The following RGS3 variants were observed in gnomAD, a reference collection of about 807,000 sequenced individuals.
RGS3 encodes the protein regulator of G protein signaling 3.
In RGS3, 80 loss-of-function variants were observed where a neutral mutation model predicts 132.6. The observed-to-expected ratio is 0.60, with a 90% CI of 0.50 to 0.73. The LOEUF is 0.73. Ranked by LOEUF, RGS3 falls within the 30% of genes least tolerant of loss-of-function variation. RGS3 has a pLI of 0.00. For synonymous variants in RGS3, 598 were observed against 620.6 expected, an observed-to-expected ratio of 0.96 and a Z score of 0.54; for missense variants, 1,382 against 1,530.8, an observed-to-expected ratio of 0.90 and a Z score of 1.62.
intron 19 of RGS3, among the ~76,000 whole-genome samples, chr9:113,559,291 G>C (rs541538697): frequency 1.3e-5 from 2 of 152,234 alleles, no homozygotes; most frequent in Non-Finnish European, 2.9e-5. Context: ...CCAAAAGCCC[G>C]AAGTCTCCGG....
At chr9:113,492,486 T>G (rs996018367) in intron 7 of RGS3, among the ~76,000 whole-genome samples, 1 of 152,238 alleles carries the variant, frequency 6.6e-6, no homozygotes, top group Non-Finnish European at 1.5e-5. Flanking sequence ...GATGTTTGTG[T>G]TGTTTCCTTA....
intron 7 of RGS3, among the ~76,000 whole-genome samples, chr9:113,487,570 G>A (rs573924767): frequency 8.5e-5 from 13 of 152,276 alleles, no homozygotes; most frequent in Non-Finnish European, 1.6e-4. Flanking sequence ...GGACCCCAGG[G>A]TCTTTCCTCT....
intron 3 of RGS3, among the ~76,000 whole-genome samples, chr9:113,465,348 A>G (rs1434006214): frequency 6.6e-6 from 1 of 152,132 alleles, no homozygotes; most frequent in East Asian, 1.9e-4. Flanking sequence ...TGAAAAGAAG[A>G]AAGTGAAAAT....
exon 24 of RGS3, chr9:113,595,678 C>G: frequency 6.2e-7 from 1 of 1,614,192 alleles, no homozygotes; most frequent in Non-Finnish European, 8.5e-7. Flanking sequence ...CTTGTGAGGA[C>G]TTCAAGAAGG....
intron 19 of RGS3, among the ~76,000 whole-genome samples, chr9:113,547,372 A>G (rs1833158646): frequency 6.6e-6 from 1 of 152,186 alleles, no homozygotes. Flanking sequence ...ACAGACACCC[A>G]AATTATGAGC....
upstream of RGS3, among the ~76,000 whole-genome samples, chr9:113,458,197 G>A (rs150321255): frequency 4.0e-3 from 603 of 152,332 alleles, 3 homozygotes; most frequent in African/African-American, 0.013. Context: ...GATTACAGGC[G>A]TGAGCCACTG....
intron 19 of RGS3, chr9:113,541,984 T>A: frequency 2.1e-6 from 1 of 475,758 alleles, no homozygotes; most frequent in Non-Finnish European, 2.7e-6. Context: ...TCAGTCTAGC[T>A]GGGAGTGAGC....
chr9:113,452,316 T>C (rs1829262664), intron 1 of RGS3, among the ~76,000 whole-genome samples: 2 of 152,220 alleles, frequency 1.3e-5, no homozygotes, highest in South Asian at 4.1e-4. Flanking sequence ...TTTTTTTCTT[T>C]CAATACATTA....
chr9:113,513,371 C>A (rs1224642498), intron 14 of RGS3, among the ~76,000 whole-genome samples: 1 of 152,056 alleles, frequency 6.6e-6, no homozygotes, highest in Non-Finnish European at 1.5e-5. Flanking sequence ...TCTCTCTCTC[C>A]TTATGATTAG....
At chr9:113,536,991 G>A (rs1028585562) in intron 19 of RGS3, 73 bp downstream of exon 17, 37 of 1,468,110 alleles carry the variant, frequency 2.5e-5, no homozygotes, top group Non-Finnish European at 3.4e-5. Context: ...TTGAGCCTCT[G>A]CATTGAGCTG....
At chr9:113,449,258 A>G (rs1829186737) in intron 1 of RGS3, among the ~76,000 whole-genome samples, 1 of 152,180 alleles carries the variant, frequency 6.6e-6, no homozygotes, top group African/African-American at 2.4e-5. Context: ...GAATGGAGAC[A>G]AAAGGATACT....
chr9:113,522,740 G>A (rs1832014890), intron 16 of RGS3, 190 bp from the exon 15 acceptor site: 1 of 598,196 alleles, frequency 1.7e-6, no homozygotes, highest in East Asian at 2.8e-5. Context: ...GGGTGATGGG[G>A]CCATCTTGAC....
chr9:113,480,440 C>T (rs1830122840), intron 4 of RGS3, among the ~76,000 whole-genome samples: 1 of 130,712 alleles, frequency 7.7e-6, no homozygotes, highest in Admixed American at 9.0e-5. Flanking sequence ...GCCCAGGCGA[C>T]AGTACGAGAC....
intron 7 of RGS3, among the ~76,000 whole-genome samples, chr9:113,490,279 A>G (rs1413930321): frequency 2.0e-5 from 3 of 152,084 alleles, no homozygotes; most frequent in African/African-American, 4.8e-5. Flanking sequence ...AGTTTCATCA[A>G]TTATCAATAT....
intron 1 of RGS3, among the ~76,000 whole-genome samples, chr9:113,460,983 G>A (rs1327956597): frequency 6.6e-6 from 1 of 152,104 alleles, no homozygotes; most frequent in Non-Finnish European, 1.5e-5. Flanking sequence ...TGTAGTGTAT[G>A]TGTTTTGTGT....
At chr9:113,576,240 T>TTATA (rs1834517187) in intron 19 of RGS3, among the ~76,000 whole-genome samples, 1 of 151,772 alleles carries the variant, frequency 6.6e-6, no homozygotes, top group South Asian at 2.1e-4. Context: ...AGTGTGTATT[T>TTATA]TATATAAGCT....
intron 19 of RGS3, among the ~76,000 whole-genome samples, chr9:113,550,218 C>T (rs1407732514): frequency 2.0e-5 from 3 of 152,070 alleles, no homozygotes; most frequent in African/African-American, 7.2e-5. Flanking sequence ...ACAAAATTAG[C>T]CAGGCATGGT....
rs368509837 is a variant in RGS3 at position 113,583,532 on chromosome 9, G to C, written c.2120G>C (p.Ser707Thr). The stretch of plus-strand genomic sequence containing the variant: ...CCTGGTGCCGAGGATTCCCCACCCA[G>C]CAAGGAGCCCTCTCCTGGCCAGGAG... Residue 707 changes from serine (S) to threonine (T), a missense_variant, in exon 20 of 25, where the codon AGC becomes ACC. Ser to Thr is a moderately conservative substitution (Grantham distance 58). Transcript: ENST00000350696. The C allele has an allele frequency of 2.8e-5, 46 of 1,614,086 alleles. 1 individual carries two copies. In the Middle Eastern group the frequency reaches 4.9e-4, roughly 17 times the overall value.
At chr9:113,444,733 C>T (rs1169533687) in exon 1 of RGS3, 1 of 152,298 alleles carries the variant, frequency 6.6e-6, no homozygotes, top group African/African-American at 2.4e-5. Flanking sequence ...GGGCTTAGAA[C>T]TTTGGCTCAG....
Sources: allele counts gnomAD v4.1 joint callset (sites outside exome capture counted in the v4.1 genomes callset), GRCh38; gene constraint gnomAD v4.1.1; transcripts MANE v1.5; gene names NCBI Gene and HGNC (gene_info 2026-07-23, HGNC 2026-07-21).